GJA8: variants seen among roughly 807,000 people sequenced by gnomAD.
GJA8 encodes the protein gap junction protein alpha 8.
GJA8 carries 13 observed loss-of-function variants against 15.3 expected under a neutral mutation model. The observed-to-expected ratio is 0.85, with a 90% CI of 0.55 to 1.35. GJA8 has a LOEUF of 1.35. Ranked by LOEUF, GJA8 falls within the 40% of genes most tolerant of loss-of-function variation. The probability of loss-of-function intolerance (pLI) is 0.00; values close to 1 mark genes in which losing one functional copy is unlikely to be tolerated. For missense variants in GJA8, 607 were observed against 553.3 expected (o/e 1.10, Z -0.97); for synonymous variants, 304 against 238.7 (o/e 1.27, Z -2.52).
Position 147,908,317 on chromosome 1 carries a change from A to T in GJA8, c.362A>T (p.Asn121Ile). Residue 121 changes from asparagine to isoleucine, a missense_variant, in exon 2 of 2, where the codon AAC becomes ATC. Coordinates refer to ENST00000369235, the MANE Select transcript of GJA8 (RefSeq NM_005267.5). ...AEELGQQAGT[N>I]GGPDQGSVKK... ...GAGCTGGGCCAGCAGGCGGGGACTAACGGCGGCCCGGACCAGGGCAGCGTC... is the reference window on the plus strand; with the variant it reads ...GAGCTGGGCCAGCAGGCGGGGACTATCGGCGGCCCGGACCAGGGCAGCGTC... 6.2e-7 allele frequency: 1 copy of T among 1,614,174 alleles called. No individual in the cohort carries two copies. The highest frequency in any genetic ancestry group is 1.1e-5 in the South Asian group (1 of 91,078).
rs886045253 is a variant in GJA8, at chr1:147,908,240, C to T, written c.285C>T (p.His95=). ...CCCCGTCCCTGATGTACGTGGGGCA[C>T]GCGGTGCACTACGTCCGCATGGAGG... ...VSTPSLMYVG[H]AVHYVRMEEK... The change falls in exon 2 of 2, where the codon CAC becomes CAT. Residue 95 remains histidine, a synonymous_variant. Transcript: ENST00000369235. 1.9e-6 allele frequency: 3 copies of T among 1,614,206 alleles called. No individual in the cohort carries two copies. Among genetic ancestry groups the T allele is most frequent in the Admixed American group, 1.7e-5 (1 of 60,036 alleles).
chr1:147,911,189 C>T (rs1276151149), downstream of GJA8, among the ~76,000 whole-genome samples: 5 of 152,276 alleles, frequency 3.3e-5, no homozygotes, highest in Admixed American at 6.5e-5. Context: ...AGAAAAACTG[C>T]GTTTGTTGTA....
downstream of GJA8, among the ~76,000 whole-genome samples, chr1:147,909,951 C>A (rs1214207039): frequency 6.6e-6 from 1 of 152,168 alleles, no homozygotes; most frequent in East Asian, 1.9e-4. Flanking sequence ...CCTCAACCTC[C>A]CAAGCTCAAG....
intron 1 of GJA8, among the ~76,000 whole-genome samples, chr1:147,904,544 A>G (rs1257008181): frequency 1.3e-5 from 2 of 152,168 alleles, no homozygotes; most frequent in Non-Finnish European, 2.9e-5. Context: ...TCCATCTGTA[A>G]TAGGTCTGTT....
chr1:147,913,858 G>A (rs1230427302), downstream of GJA8, among the ~76,000 whole-genome samples: 3 of 152,212 alleles, frequency 2.0e-5, no homozygotes, highest in Non-Finnish European at 4.4e-5. Flanking sequence ...TCTTCTGAGT[G>A]TAAATACAAT....
In GJA8 at chr1:147,908,652, C is replaced by A; in HGVS notation, c.697C>A (p.Arg233=). The A allele has an allele frequency of 6.2e-7, 1 of 1,614,112 alleles. No individual in the cohort carries two copies. Among genetic ancestry groups the A allele is most frequent in the Non-Finnish European group, 8.5e-7 (1 of 1,179,986 alleles). ...ELGHLGLKGI[R]SALKRPVEQP... is the part of the protein sequence containing the mutation. Reference sequence around the variant, plus strand: ...GGGCCACCTGGGCCTGAAGGGGATCCGGTCTGCCTTGAAGAGGCCTGTAGA... The same window carrying A: ...GGGCCACCTGGGCCTGAAGGGGATCAGGTCTGCCTTGAAGAGGCCTGTAGA... The change falls in exon 2 of 2, where the codon CGG becomes AGG. Residue 233 remains arginine (R), a synonymous_variant. Transcript: ENST00000369235.
downstream of GJA8, among the ~76,000 whole-genome samples, chr1:147,912,034 A>T (rs1399752681): frequency 6.6e-6 from 1 of 152,208 alleles, no homozygotes; most frequent in Non-Finnish European, 1.5e-5. Flanking sequence ...AGACACAGGC[A>T]TCAAGGGGCT....
At chr1:147,911,952 C>T (rs782006604), downstream of GJA8, among the ~76,000 whole-genome samples, 61 of 151,834 alleles carry the variant, frequency 4.0e-4, no homozygotes, top group Middle Eastern at 0.014. Context: ...CTTCAATGAA[C>T]GTACCCACAC....
At chr1:147,909,282 A>AAC (rs1553243097), downstream of GJA8, 3 of 1,461,570 alleles carry the variant, frequency 2.1e-6, no homozygotes, top group Non-Finnish European at 9.5e-7. Flanking sequence ...AAAAAAAAAA[A>AAC]ACGCCCAAGC....
chr1:147,904,023 C>G (rs1332547551), intron 1 of GJA8, among the ~76,000 whole-genome samples: 2 of 151,234 alleles, frequency 1.3e-5, no homozygotes, highest in Non-Finnish European at 2.9e-5. Context: ...CCTCCACCTC[C>G]TGGGCTCAAG....
rs781829394 is a variant in GJA8 at position 147,908,063 on chromosome 1, C to T, written c.108C>T (p.Ile36=). 1.9e-6 allele frequency: 3 copies of T among 1,614,152 alleles called. No individual in the cohort carries two copies. The highest frequency in any genetic ancestry group is 1.6e-4 in the Middle Eastern group (1 of 6,062). The change falls in exon 2 of 2, where the codon ATC becomes ATT. Residue 36 remains isoleucine (I), a synonymous_variant. Coordinates refer to ENST00000369235, the MANE Select transcript of GJA8 (RefSeq NM_005267.5). ...TGCTTTTCATCTTCCGGATCCTCAT[C>T]CTTGGCACGGCCGCAGAGTTCGTGT... is the stretch of plus-strand genomic sequence containing the variant. ...LTVLFIFRIL[I]LGTAAEFVWG...
At position 147,908,421 on chromosome 1, in the gene GJA8, A is replaced by G. The variant is rs1651905367; in HGVS notation, c.466A>G (p.Ile156Val). 6.2e-7 allele frequency: 1 copy of G among 1,614,102 alleles called. No homozygotes were observed. The change falls in exon 2 of 2, where the codon ATC becomes GTC. Residue 156 changes from isoleucine to valine, a missense_variant. Transcript: ENST00000369235. ...TLLRTYICHI[I>V]FKTLFEVGFI... Reference sequence around the variant, plus strand: ...GCTGAGGACCTACATCTGCCACATCATCTTCAAGACCCTCTTTGAAGTGGG... The same window carrying G: ...GCTGAGGACCTACATCTGCCACATCGTCTTCAAGACCCTCTTTGAAGTGGG...
At chr1:147,912,496 AAC>A (rs1435908387), downstream of GJA8, among the ~76,000 whole-genome samples, 3 of 152,148 alleles carry the variant, frequency 2.0e-5, no homozygotes, top group African/African-American at 7.2e-5. Flanking sequence ...CGGCCACACA[AAC>A]ACAGCCAGTT....
At chr1:147,906,792 C>A (rs1270796210) in intron 1 of GJA8, among the ~76,000 whole-genome samples, 1 of 152,158 alleles carries the variant, frequency 6.6e-6, no homozygotes, top group African/African-American at 2.4e-5. Flanking sequence ...AAGAACCCAG[C>A]CTTTGTGATC....
At chr1:147,907,580 A>G (rs1318315438) in intron 1 of GJA8, among the ~76,000 whole-genome samples, 1 of 152,200 alleles carries the variant, frequency 6.6e-6, no homozygotes, top group African/African-American at 2.4e-5. Context: ...GTCTTGATTT[A>G]AATCCATGTA....
At chr1:147,909,605 T>C (rs200109173), downstream of GJA8, among the ~76,000 whole-genome samples, 3 of 152,276 alleles carry the variant, frequency 2.0e-5, no homozygotes, top group East Asian at 5.8e-4. Context: ...CTTTTACCCA[T>C]CTTGTCTCAA....
At chr1:147,910,625 A>G (rs1270897076), downstream of GJA8, among the ~76,000 whole-genome samples, 1 of 152,180 alleles carries the variant, frequency 6.6e-6, no homozygotes, top group Non-Finnish European at 1.5e-5. Context: ...TCCTTTCTTT[A>G]TTCCCCTCTT....
chr1:147,910,452 C>G (rs797041967), downstream of GJA8, among the ~76,000 whole-genome samples: 1 of 152,270 alleles, frequency 6.6e-6, no homozygotes, highest in African/African-American at 2.4e-5. Context: ...ATTCTTTTGG[C>G]TCATTGTAGC....
At chr1:147,913,581 C>A (rs1652266119), downstream of GJA8, among the ~76,000 whole-genome samples, 1 of 152,194 alleles carries the variant, frequency 6.6e-6, no homozygotes, top group Non-Finnish European at 1.5e-5. Context: ...CATGCAGGAA[C>A]TCTTCAGTCC....
Sources: gnomAD v4.1 joint callset for allele counts (sites outside exome capture counted in the v4.1 genomes callset) on GRCh38, gnomAD v4.1.1 for gene constraint, MANE v1.5 for transcripts, NCBI Gene and HGNC (gene_info 2026-07-23, HGNC 2026-07-21) for gene names.